CSMD1: variants seen among roughly 807,000 people sequenced by gnomAD.
CSMD1 encodes the protein CUB and sushi domain-containing protein 1.
In CSMD1, 213 loss-of-function variants were observed where a neutral mutation model predicts 417.5. That is an observed-to-expected ratio of 0.51 (90% CI 0.46 to 0.57). The LOEUF is 0.57. Ranked by LOEUF, CSMD1 falls within the 20% of genes least tolerant of loss-of-function variation. CSMD1 has a pLI of 0.00. For missense variants in CSMD1, 6,923 were observed against 4,529.7 expected (o/e 1.53, Z -15.17); for synonymous variants, 2,862 against 1,736.8 (o/e 1.65, Z -16.11).
intron 1 of CSMD1, among the ~76,000 whole-genome samples, chr8:4,881,379 T>C (rs6997591): frequency 0.027 from 4,157 of 152,000 alleles, 213 homozygotes; most frequent in African/African-American, 0.094. Flanking sequence ...AGCAATTAAA[T>C]GGATATAGTT....
At chr8:4,986,009 G>A (rs1002589047) in intron 1 of CSMD1, among the ~76,000 whole-genome samples, 10 of 152,076 alleles carry the variant, frequency 6.6e-5, no homozygotes, top group Admixed American at 4.6e-4. Flanking sequence ...GTGAAGTGCC[G>A]ATCATACTCT....
intron 12 of CSMD1, among the ~76,000 whole-genome samples, chr8:3,427,626 C>A (rs1167848140): frequency 6.6e-6 from 1 of 152,106 alleles, no homozygotes; most frequent in Non-Finnish European, 1.5e-5. Flanking sequence ...ATCTAGTGTT[C>A]ATAGAGTGAT....
At position 4,502,209 on chromosome 8, in the gene CSMD1, C is replaced by G. The variant is rs542339417; in HGVS notation, c.303-82144G>C. Among the ~76,000 whole-genome samples the G allele has an allele frequency of 2.0e-5, 3 of 151,556 alleles. No individual in the cohort carries two copies. The East Asian group carries it at 5.8e-4, about 29-fold the overall frequency. On this transcript the variant is annotated intron_variant, in intron 2 of 69. Transcript: ENST00000635120. ...TATGAACAGAAACATTTTTTTTTTA[C>G]TATTGCAGTAGAATGAGCAGAACGT... is the stretch of plus-strand genomic sequence containing the variant.
intron 5 of CSMD1, among the ~76,000 whole-genome samples, chr8:3,764,386 C>T (rs1262785931): frequency 6.6e-6 from 1 of 152,138 alleles, no homozygotes; most frequent in Non-Finnish European, 1.5e-5. Context: ...ATATGAAATA[C>T]CACAAACATA....
chr8:4,190,711 C>A (rs995037240), intron 3 of CSMD1, among the ~76,000 whole-genome samples: 14 of 151,962 alleles, frequency 9.2e-5, no homozygotes, highest in Admixed American at 3.9e-4. Context: ...AAACATTTTA[C>A]AGAAAATCAT....
intron 5 of CSMD1, among the ~76,000 whole-genome samples, chr8:3,808,367 A>G (rs773126472): frequency 1.3e-5 from 2 of 152,204 alleles, no homozygotes; most frequent in African/African-American, 2.4e-5. Flanking sequence ...GTATATTCAA[A>G]GGACTGACTG....
At chr8:4,484,824 T>G (rs1379215096) in intron 2 of CSMD1, among the ~76,000 whole-genome samples, 3 of 150,816 alleles carry the variant, frequency 2.0e-5, no homozygotes, top group African/African-American at 7.4e-5. Flanking sequence ...CAAAAAAAAA[T>G]TAGCCGGGCA....
At chr8:3,988,924 G>A (rs1040646016) in intron 5 of CSMD1, among the ~76,000 whole-genome samples, 1 of 152,166 alleles carries the variant, frequency 6.6e-6, no homozygotes, top group African/African-American at 2.4e-5. Flanking sequence ...GTTGAGTGGA[G>A]AAGTTAACAG....
chr8:4,586,898 T>C (rs542944664), intron 2 of CSMD1, among the ~76,000 whole-genome samples: 1 of 152,340 alleles, frequency 6.6e-6, no homozygotes, highest in South Asian at 2.1e-4. Context: ...ATAAGAGTGC[T>C]TAACTTTGTT....
At chr8:4,241,512 C>A (rs557556864) in intron 3 of CSMD1, among the ~76,000 whole-genome samples, 1 of 152,166 alleles carries the variant, frequency 6.6e-6, no homozygotes, top group Non-Finnish European at 1.5e-5. Context: ...TCTGTGCCCC[C>A]AGGAGGGCAG....
chr8:4,404,781 G>C (rs781535458), intron 3 of CSMD1, among the ~76,000 whole-genome samples: 1 of 151,962 alleles, frequency 6.6e-6, no homozygotes, highest in Non-Finnish European at 1.5e-5. Flanking sequence ...ATAGCCATAA[G>C]CAAGACTTGA....
chr8:4,760,539 A>C (rs1010152484), intron 1 of CSMD1, among the ~76,000 whole-genome samples: 3 of 152,204 alleles, frequency 2.0e-5, no homozygotes, highest in Non-Finnish European at 4.4e-5. Flanking sequence ...AATATTCTTT[A>C]GACATATATT....
At chr8:3,517,051 G>T (rs1797310520) in intron 10 of CSMD1, among the ~76,000 whole-genome samples, 6 of 152,248 alleles carry the variant, frequency 3.9e-5, no homozygotes, top group Non-Finnish European at 1.5e-5. Flanking sequence ...CAGATCAAGG[G>T]GACACTGGAA....
chr8:4,570,957 T>C (rs1798864463), intron 2 of CSMD1, among the ~76,000 whole-genome samples: 1 of 152,208 alleles, frequency 6.6e-6, no homozygotes. Flanking sequence ...TCTGTGGTGG[T>C]ACTTTGTATT....
intron 3 of CSMD1, among the ~76,000 whole-genome samples, chr8:4,228,886 T>A (rs904549715): frequency 3.3e-5 from 5 of 152,064 alleles, no homozygotes; most frequent in African/African-American, 1.2e-4. Context: ...TTCCCCAAGT[T>A]GGCCAGGCTG....
At chr8:3,760,331 G>C (rs889743540) in intron 5 of CSMD1, among the ~76,000 whole-genome samples, 1 of 152,136 alleles carries the variant, frequency 6.6e-6, no homozygotes, top group Non-Finnish European at 1.5e-5. Context: ...ATTTCCTTCA[G>C]AGGATTCAAC....
intron 1 of CSMD1, among the ~76,000 whole-genome samples, chr8:4,797,634 C>G (rs191977524): frequency 6.6e-6 from 1 of 151,976 alleles, no homozygotes; most frequent in Non-Finnish European, 1.5e-5. Context: ...CAGTATAAAG[C>G]GAAGATATAG....
intron 10 of CSMD1, among the ~76,000 whole-genome samples, chr8:3,538,411 T>G (rs564826899): frequency 6.6e-6 from 1 of 151,814 alleles, no homozygotes; most frequent in African/African-American, 2.4e-5. Flanking sequence ...ATGCCTCACC[T>G]AAAATGGTGC....
intron 50 of CSMD1, among the ~76,000 whole-genome samples, chr8:3,030,961 A>C (rs1372907077): frequency 6.6e-6 from 1 of 152,078 alleles, no homozygotes; most frequent in African/African-American, 2.4e-5. Flanking sequence ...ATGGGAAGAA[A>C]AATTGCTAAT....
Sources: allele counts gnomAD v4.1 joint callset (sites outside exome capture counted in the v4.1 genomes callset), GRCh38; gene constraint gnomAD v4.1.1; transcripts MANE v1.5; gene names NCBI Gene and HGNC (gene_info 2026-07-23, HGNC 2026-07-21).